The following GATA4 variants were observed in gnomAD, a reference collection of about 807,000 sequenced individuals.
The protein encoded by GATA4 is GATA binding protein 4, also known as transcription factor GATA-4.
A neutral mutation model predicts 37.9 loss-of-function variants in GATA4; 7 were observed. That is an observed-to-expected ratio of 0.18 (90% CI 0.11 to 0.35). The LOEUF (loss-of-function observed/expected upper bound fraction) is 0.35, where lower values mean the gene tolerates loss of function less well. Among genes scored for constraint, GATA4 ranks in the 10% least tolerant of loss-of-function variants. GATA4 has a pLI of 1.00. For synonymous variants in GATA4, 372 were observed against 292.6 expected (o/e 1.27, Z -2.77); for missense variants, 647 against 653.0 (o/e 0.99, Z 0.10).
chr8:11,722,323 C>G (rs1053533395), intron 2 of GATA4, among the ~76,000 whole-genome samples: 9 of 152,216 alleles, frequency 5.9e-5, no homozygotes, highest in Non-Finnish European at 1.2e-4. Flanking sequence ...TCATTTTACC[C>G]ACAAATACTT....
chr8:11,756,954 C>A lies in GATA4; in HGVS notation c.1020C>A (p.Ser340Arg). 1 of 1,614,234 alleles carries A rather than the reference C, an allele frequency of 6.2e-7. No homozygotes were observed. The highest frequency in any genetic ancestry group is 8.5e-7 in the Non-Finnish European group (1 of 1,180,042). ...KTPAAPSGSESLPPASGASSN... is the reference protein window; with the variant it reads ...KTPAAPSGSERLPPASGASSN... ...TTCCAGCTCCTTCAGGCAGTGAGAGCCTTCCTCCCGCCAGCGGTGCTTCCA... is the reference window on the plus strand; with the variant it reads ...TTCCAGCTCCTTCAGGCAGTGAGAGACTTCCTCCCGCCAGCGGTGCTTCCA... Residue 340 changes from serine to arginine, a missense_variant, in exon 6 of 7, where the codon AGC becomes AGA. Physicochemically the swap from Ser to Arg is moderately radical, Grantham distance 110 (BLOSUM62 -1). This residue lies in a region of GATA4 where 184 missense variants were observed against 157.1 expected (regional missense o/e 1.17). Coordinates refer to ENST00000532059, the MANE Select transcript of GATA4 (RefSeq NM_001308093.3).
chr8:11,696,347 A>T (rs1383997266), intron 1 of GATA4, among the ~76,000 whole-genome samples: 1 of 151,928 alleles, frequency 6.6e-6, no homozygotes, highest in Non-Finnish European at 1.5e-5. Context: ...CTTCTTCAGA[A>T]TGTCATAGAA....
In GATA4 at chr8:11,748,930, G is replaced by T. The variant is rs377673676; in HGVS notation, c.631G>T (p.Asp211Tyr). Residue 211 changes from aspartate (D) to tyrosine (Y), a missense_variant, in exon 3 of 7, where the codon GAC (aspartate) becomes TAC (tyrosine). Transcript: ENST00000532059. ...RHPNLVDMFD[D>Y]FSEGRECVNC... ...CCCCAACTCAGTAGATATGTTTGAC[G>T]ACTTCTCAGAAGGCAGAGAGTGTGT... is the stretch of plus-strand genomic sequence containing the variant. The T allele has an allele frequency of 1.9e-6, 3 of 1,614,192 alleles. No individual in the cohort carries two copies. The highest frequency in any genetic ancestry group is 2.5e-6 in the Non-Finnish European group (3 of 1,180,046).
At chr8:11,723,823 A>G (rs1800787881) in intron 2 of GATA4, among the ~76,000 whole-genome samples, 2 of 152,230 alleles carry the variant, frequency 1.3e-5, no homozygotes. Context: ...ACTATACATA[A>G]GATAAAATGT....
At chr8:11,689,957 C>T (rs1217073475), upstream of GATA4, among the ~76,000 whole-genome samples, 1 of 152,216 alleles carries the variant, frequency 6.6e-6, no homozygotes, top group Non-Finnish European at 1.5e-5. Flanking sequence ...CTTGTCCTGG[C>T]TGTGCTGGTA....
intron 2 of GATA4, among the ~76,000 whole-genome samples, chr8:11,732,508 T>C (rs1365740145): frequency 6.6e-6 from 1 of 151,874 alleles, no homozygotes; most frequent in African/African-American, 2.4e-5. Flanking sequence ...AGGAGAGAGG[T>C]TGGGAAGAAA....
In GATA4 at chr8:11,759,253, G is replaced by T. The variant is rs1802764320; in HGVS notation, c.*778G>T. ...AAGAGCTGGGTAGTTTAGCCAAACG[G>T]CACCCCCTCGAGTTCACTGCAGACC... On this transcript the variant is annotated 3_prime_UTR_variant, in exon 7 of 7. Transcript: ENST00000532059. The T allele has an allele frequency of 1.3e-5, 2 of 153,868 alleles. No homozygotes were observed. The highest frequency in any genetic ancestry group is 1.9e-4 in the East Asian group (1 of 5,192). 9.5% of individuals were successfully genotyped at this position (153,868 alleles called of 1,614,324 possible). A position where few individuals can be genotyped will look rare whatever the true frequency, so the allele number is the denominator to read the frequency against.
At chr8:11,727,222 T>G (rs1283136164) in intron 2 of GATA4, among the ~76,000 whole-genome samples, 1 of 152,158 alleles carries the variant, frequency 6.6e-6, no homozygotes. Context: ...CTTCGGGGAA[T>G]GTTGATATTG....
chr8:11,708,331 A>G lies in GATA4; in HGVS notation c.19A>G (p.Met7Val), dbSNP rs899023750. Reference protein sequence around the residue: MYQSLAMAANHGPPPGA... With the variant: MYQSLAVAANHGPPPGA... The stretch of plus-strand genomic sequence containing the variant: ...AGGGACCATGTATCAGAGCTTGGCC[A>G]TGGCCGCCAACCACGGGCCGCCCCC... The change falls in exon 2 of 7, where the codon ATG (methionine) becomes GTG (valine). Residue 7 changes from methionine (M) to valine (V), a missense_variant. By Grantham distance (21) the Met-to-Val change is conservative. Around this residue, in one of 5 missense-constraint regions of GATA4, gnomAD observed 379 missense variants for 334.5 expected, o/e 1.13. Coordinates refer to ENST00000532059, the MANE Select transcript of GATA4 (RefSeq NM_001308093.3). The surrounding 1 kb of genome is among the most constrained non-coding windows in gnomAD (Gnocchi z 6.7). 7 of 1,584,186 alleles carry G rather than the reference A, an allele frequency of 4.4e-6. No individual in the cohort carries two copies. In the Admixed American group the frequency reaches 5.1e-5, roughly 12 times the overall value.
intron 2 of GATA4, among the ~76,000 whole-genome samples, chr8:11,710,688 CAAAAAAAAAAAA>C (rs57178682): frequency 1.9e-4 from 7 of 37,288 alleles, no homozygotes; most frequent in African/African-American, 3.5e-4. Flanking sequence ...GACTACGTCT[CAAAAAAAAAAAA>C]AAAAAAAAAA....
Position 11,708,530 on chromosome 8 carries a change from G to A in GATA4, c.218G>A (p.Gly73Glu), listed in dbSNP as rs1300914582. The A allele has an allele frequency of 6.9e-7, 1 of 1,448,308 alleles. No individual in the cohort carries two copies. The highest frequency in any genetic ancestry group is 9.0e-7 in the Non-Finnish European group (1 of 1,108,026). 89.7% of individuals were successfully genotyped at this position (1,448,308 alleles called of 1,614,324 possible). The change falls in exon 2 of 7, where the codon GGG becomes GAG. Residue 73 changes from glycine to glutamate, a missense_variant. Transcript: ENST00000532059. The surrounding 1 kb of genome is among the most constrained non-coding windows in gnomAD (Gnocchi z 6.7). ...GGCGCCTCGGGCGGCAGCTCCGGTG[G>A]GGCCGCGTCTGGTGCGGGGCCCGGG... Reference protein sequence around the residue: ...SGGASGGSSGGAASGAGPGTQ... With the variant: ...SGGASGGSSGEAASGAGPGTQ...
Position 11,709,955 on chromosome 8 carries a change from G to C in GATA4, c.616+1027G>C, listed in dbSNP as rs567528469. Among the ~76,000 whole-genome samples, 11 of 152,320 alleles carry C rather than the reference G, an allele frequency of 7.2e-5. No individual in the cohort carries two copies. Among genetic ancestry groups the C allele is most frequent in the African/African-American group, 2.2e-4 (9 of 41,576 alleles). ...GAGTTTGGATTGAGCCCACCCTGTG[G>C]GGGAGGGGAAGCCCAGGCTTGAGAA... is the stretch of plus-strand genomic sequence containing the variant. On this transcript the variant is annotated intron_variant, in intron 2 of 6. Transcript: ENST00000532059. This position sits in a 1 kb window ranked among gnomAD's most constrained non-coding sequence, Gnocchi z 4.3.
At chr8:11,738,744 G>C (rs934782056) in intron 2 of GATA4, among the ~76,000 whole-genome samples, 2 of 152,222 alleles carry the variant, frequency 1.3e-5, no homozygotes, top group Non-Finnish European at 2.9e-5. Context: ...CGGGGCTGTA[G>C]CATGTCACAC....
In GATA4 at chr8:11,708,379, C is replaced by A. The variant is rs954460490; in HGVS notation, c.67C>A (p.Pro23Thr). 4 of 1,555,358 alleles carry A rather than the reference C, an allele frequency of 2.6e-6. No homozygotes were observed. The East Asian group carries it at 9.4e-5, about 36-fold the overall frequency. ...CCCCGGTGCCTACGAGGCGGGCGGCCCCGGCGCCTTCATGCACGGCGCGGG... is the reference window on the plus strand; with the variant it reads ...CCCCGGTGCCTACGAGGCGGGCGGCACCGGCGCCTTCATGCACGGCGCGGG... The part of the protein sequence containing the change: ...PPPGAYEAGG[P>T]GAFMHGAGAA... Residue 23 changes from proline to threonine, a missense_variant, in exon 2 of 7, where the codon CCC becomes ACC. Pro to Thr is a conservative substitution (Grantham distance 38). This residue lies in a region of GATA4 where 379 missense variants were observed against 334.5 expected (regional missense o/e 1.13). Transcript: ENST00000532059. This position sits in a 1 kb window ranked among gnomAD's most constrained non-coding sequence, Gnocchi z 6.7.
chr8:11,749,091 C>G lies in GATA4; in HGVS notation c.786+6C>G, dbSNP rs1215011630. The G allele has an allele frequency of 6.2e-7, 1 of 1,613,860 alleles. No homozygotes were observed. Among genetic ancestry groups the G allele is most frequent in the African/African-American group, 1.3e-5 (1 of 74,940 alleles). On this transcript the variant is annotated splice_donor_region_variant and intron_variant, in intron 3 of 6. Transcript: ENST00000532059. This position sits in a 1 kb window ranked among gnomAD's most constrained non-coding sequence, Gnocchi z 4.6. ...TCAAGCCTCAGCGCCGGCTGGTAAG[C>G]ACGTGCCTCGCAGCCTCCTCTGGGC...
chr8:11,719,593 T>G (rs933379231), intron 2 of GATA4, among the ~76,000 whole-genome samples: 1 of 152,196 alleles, frequency 6.6e-6, no homozygotes, highest in African/African-American at 2.4e-5. Context: ...TAAAAATAAT[T>G]GGTAATCTTA....
intron 1 of GATA4, among the ~76,000 whole-genome samples, chr8:11,693,562 C>CACAGAGAGAGAGAGAGAGAGAG (rs1405047773): frequency 8.3e-5 from 6 of 72,230 alleles, no homozygotes; most frequent in South Asian, 1.4e-3. Flanking sequence ...CACACACACA[C>CACAGAGAGAGAGAGAGAGAGAG]AGAGAGAGAG....
At chr8:11,702,516 C>G (rs1378007117), upstream of GATA4, among the ~76,000 whole-genome samples, 1 of 151,430 alleles carries the variant, frequency 6.6e-6, no homozygotes, top group Non-Finnish European at 1.5e-5. This position sits in a 1 kb window ranked among gnomAD's most constrained non-coding sequence, Gnocchi z 4.4. Flanking sequence ...AGCAGGGAGT[C>G]TGCTTCCTTC....
intron 4 of GATA4, 57 bp from the exon 5 acceptor site, chr8:11,754,989 G>A (rs1293355047): frequency 4.4e-6 from 6 of 1,371,078 alleles, no homozygotes; most frequent in South Asian, 2.4e-5. Flanking sequence ...GTCTTTCAAT[G>A]CTGTAGCAGA....
Sources: allele counts gnomAD v4.1 joint callset (sites outside exome capture counted in the v4.1 genomes callset), GRCh38; gene constraint gnomAD v4.1.1; regional missense constraint gnomAD v4.1.1; non-coding constraint Gnocchi (gnomAD v3.1); transcripts MANE v1.5; gene names NCBI Gene and HGNC (gene_info 2026-07-23, HGNC 2026-07-21).